The following TENT2 variants were observed in gnomAD, a reference collection of about 807,000 sequenced individuals.
TENT2 encodes the protein poly(A) RNA polymerase GLD2.
A neutral mutation model predicts 72.2 loss-of-function variants in TENT2; 44 were observed. That is an observed-to-expected ratio of 0.61 (90% confidence interval 0.48 to 0.78). The LOEUF (loss-of-function observed/expected upper bound fraction) is 0.78, where lower values mean the gene tolerates loss of function less well. Ranked by LOEUF, TENT2 falls within the 30% of genes least tolerant of loss-of-function variation. The probability of loss-of-function intolerance (pLI) is 0.00; values close to 1 mark genes in which losing one functional copy is unlikely to be tolerated. For synonymous variants in TENT2, 212 were observed against 192.5 expected (o/e 1.10, Z -0.84); for missense variants, 541 against 569.6 (o/e 0.95, Z 0.51).
At chr5:79,653,066 A>T (rs1476165221) in intron 10 of TENT2, among the ~76,000 whole-genome samples, 2 of 152,196 alleles carry the variant, frequency 1.3e-5, no homozygotes, top group Non-Finnish European at 2.9e-5. Flanking sequence ...ATGATCATCC[A>T]TAATATGTGC....
chr5:79,630,972 C>T (rs1774973476), intron 4 of TENT2, among the ~76,000 whole-genome samples: 1 of 151,830 alleles, frequency 6.6e-6, no homozygotes, highest in Non-Finnish European at 1.5e-5. Context: ...TTAGGAAATG[C>T]TAGTAGTTAA....
intron 4 of TENT2, 62 bp from the exon 5 acceptor site, chr5:79,640,789 A>G (rs1330764386): frequency 4.2e-6 from 4 of 947,038 alleles, no homozygotes; most frequent in East Asian, 2.5e-5. Context: ...ATGCTTCTCC[A>G]TATAGCAATT....
chr5:79,613,038 C>A lies in TENT2; in HGVS notation c.-75C>A, dbSNP rs1756416531. 6.6e-6 allele frequency: 1 copy of A among 152,140 alleles called. No homozygotes were observed. The highest frequency in any genetic ancestry group is 2.1e-4 in the South Asian group (1 of 4,828). 9.4% of individuals were successfully genotyped at this position (152,140 alleles called of 1,614,324 possible). The stretch of plus-strand genomic sequence containing the variant: ...CCAAAAGAGGAAGATAGTCTTGGGA[C>A]CCTTGCATGGTGTTTCAAAGGGTGG... On this transcript the variant is annotated 5_prime_UTR_variant, in exon 1 of 15. Coordinates refer to ENST00000453514, the MANE Select transcript of TENT2 (RefSeq NM_001114394.3).
At chr5:79,677,703 G>C (rs1818274018) in intron 12 of TENT2, among the ~76,000 whole-genome samples, 1 of 152,154 alleles carries the variant, frequency 6.6e-6, no homozygotes, top group South Asian at 2.1e-4. Context: ...ATGTAACCTT[G>C]TTTGCTTCAG....
At chr5:79,655,878 C>T (rs1344405072) in intron 10 of TENT2, among the ~76,000 whole-genome samples, 1 of 151,720 alleles carries the variant, frequency 6.6e-6, no homozygotes, top group Non-Finnish European at 1.5e-5. Context: ...ATAAAGCATC[C>T]TACTTTGTAC....
chr5:79,626,932 C>T (rs1178642359), intron 4 of TENT2, among the ~76,000 whole-genome samples: 3 of 151,772 alleles, frequency 2.0e-5, no homozygotes, highest in African/African-American at 7.3e-5. Flanking sequence ...GAGTTCGAGA[C>T]CAGCCTGGCC....
chr5:79,643,757 T>C (rs1300477828), intron 7 of TENT2, among the ~76,000 whole-genome samples: 1 of 152,140 alleles, frequency 6.6e-6, no homozygotes, highest in African/African-American at 2.4e-5. Context: ...AATCAAAATA[T>C]TAAAAATGGA....
chr5:79,644,105 C>A lies in TENT2; in HGVS notation c.752-1018C>A, dbSNP rs142241848. Among the ~76,000 whole-genome samples the A allele has an allele frequency of 4.5e-3, 684 of 152,126 alleles. 2 individuals carry two copies. Among genetic ancestry groups the A allele is most frequent in the African/African-American group, 0.012 (496 of 41,476 alleles). ...TAAGCGATTCTCATGCCTCAGCCTC[C>A]TGATTAACTGGGATTACAGGTGTGT... On this transcript the variant is annotated intron_variant, in intron 7 of 14. Coordinates refer to ENST00000453514, the MANE Select transcript of TENT2 (RefSeq NM_001114394.3).
At chr5:79,626,790 G>GCCATA (rs1380104470) in intron 4 of TENT2, among the ~76,000 whole-genome samples, 4 of 99,300 alleles carry the variant, frequency 4.0e-5, no homozygotes, top group African/African-American at 2.9e-4. Context: ...GACTATCGTG[G>GCCATA]ATATGAAAGC....
At chr5:79,653,623 G>A (rs1381378018) in intron 10 of TENT2, among the ~76,000 whole-genome samples, 1 of 152,062 alleles carries the variant, frequency 6.6e-6, no homozygotes, top group Non-Finnish European at 1.5e-5. Flanking sequence ...ATAATTAATG[G>A]CACTGCATTC....
chr5:79,621,114 A>T (rs905647589), intron 3 of TENT2, among the ~76,000 whole-genome samples: 4 of 152,180 alleles, frequency 2.6e-5, no homozygotes, highest in Non-Finnish European at 4.4e-5. Context: ...GTAAAAAAAA[A>T]AAATAACACT....
chr5:79,617,320 A>T (rs942779488), intron 1 of TENT2, among the ~76,000 whole-genome samples: 3 of 151,692 alleles, frequency 2.0e-5, no homozygotes, highest in African/African-American at 2.4e-5. Flanking sequence ...ACTCAGTTTT[A>T]AAAAAATCAG....
chr5:79,641,993 A>G (rs1474963536), intron 6 of TENT2, among the ~76,000 whole-genome samples: 3 of 151,928 alleles, frequency 2.0e-5, no homozygotes, highest in African/African-American at 7.2e-5. Flanking sequence ...TTTCCTGTTA[A>G]CTGATACTCC....
intron 12 of TENT2, among the ~76,000 whole-genome samples, chr5:79,676,818 A>G (rs1817701949): frequency 6.6e-6 from 1 of 152,102 alleles, no homozygotes; most frequent in Admixed American, 6.5e-5. Context: ...TTTACACTTT[A>G]ATTATTGAGT....
At chr5:79,649,817 T>C (rs1792270218) in intron 10 of TENT2, among the ~76,000 whole-genome samples, 1 of 152,154 alleles carries the variant, frequency 6.6e-6, no homozygotes. Flanking sequence ...TTCCTAGACG[T>C]ATAGGACAGA....
In TENT2 at chr5:79,649,094, A is replaced by G. The variant is rs995873658; in HGVS notation, c.931A>G (p.Ile311Val). ...ENRVRPLVLVIKKWASHHQIN... is the reference protein window; with the variant it reads ...ENRVRPLVLVVKKWASHHQIN... ...TCGAGTTCGTCCGTTAGTGCTGGTG[A>G]TTAAGAAGTGGGCAAGTCACCATCA... is the stretch of plus-strand genomic sequence containing the variant. Residue 311 changes from isoleucine (I) to valine (V), a missense_variant, in exon 10 of 15, where the codon ATT becomes GTT. By Grantham distance (29) the Ile-to-Val change is conservative. Coordinates refer to ENST00000453514, the MANE Select transcript of TENT2 (RefSeq NM_001114394.3). 1 of 1,613,352 alleles carries G rather than the reference A, an allele frequency of 6.2e-7. No individual in the cohort carries two copies. The highest frequency in any genetic ancestry group is 1.3e-5 in the African/African-American group (1 of 74,898).
Position 79,668,923 on chromosome 5 carries a change from T to A in TENT2, c.1103T>A (p.Leu368His), listed in dbSNP as rs1262413212. The A allele has an allele frequency of 6.2e-7, 1 of 1,613,638 alleles. No homozygotes were observed. Among genetic ancestry groups the A allele is most frequent in the Non-Finnish European group, 8.5e-7 (1 of 1,179,794 alleles). The part of the protein sequence containing the change: ...ESFSPAIQLH[L>H]VHQAPCNVPP... The stretch of plus-strand genomic sequence containing the variant: ...TTTAGTCCTGCTATACAGCTGCACC[T>A]TGTACATCAAGCTCCATGTAATGTT... Residue 368 changes from leucine to histidine, a missense_variant, in exon 12 of 15, where the codon CTT (leucine) becomes CAT (histidine). Transcript: ENST00000453514.
chr5:79,658,888 C>A (rs1799890607), intron 11 of TENT2, among the ~76,000 whole-genome samples: 1 of 152,108 alleles, frequency 6.6e-6, no homozygotes, highest in South Asian at 2.1e-4. Context: ...AGAGTCCTGA[C>A]TTCTGTTCAT....
chr5:79,677,732 C>T (rs1818291809), intron 12 of TENT2, among the ~76,000 whole-genome samples: 1 of 152,138 alleles, frequency 6.6e-6, no homozygotes, highest in Non-Finnish European at 1.5e-5. Context: ...CTATATAACT[C>T]CCCTCTTCAC....
Sources: gnomAD v4.1 joint callset for allele counts (sites outside exome capture counted in the v4.1 genomes callset) on GRCh38, gnomAD v4.1.1 for gene constraint, MANE v1.5 for transcripts, NCBI Gene and HGNC (gene_info 2026-07-23, HGNC 2026-07-21) for gene names.